Variants in TMEM132C observed in about 807,000 individuals in gnomAD.
The protein encoded by TMEM132C is transmembrane protein 132C, also known as protein phosphatase 1, regulatory subunit 152.
In TMEM132C, 29 loss-of-function variants were observed where a neutral mutation model predicts 61.4. The ratio of observed to expected loss-of-function variants is 0.47; its 90% CI spans 0.35 to 0.64. The LOEUF is 0.64. TMEM132C is among the 30% of genes least tolerant of loss of function. TMEM132C has a pLI of 0.00. For missense variants in TMEM132C, 1,408 were observed against 1,476.9 expected (o/e 0.95, Z 0.76); for synonymous variants, 656 against 633.1 (o/e 1.04, Z -0.54).
chr12:128,418,003 C>T (rs181946948), intron 2 of TMEM132C, among the ~76,000 whole-genome samples: 13 of 152,174 alleles, frequency 8.5e-5, no homozygotes, highest in East Asian at 3.9e-4. Flanking sequence ...TGCCGTGGAG[C>T]GCAGCAGCCG....
chr12:128,632,889 T>C (rs2135594919), intron 4 of TMEM132C, among the ~76,000 whole-genome samples: 1 of 152,374 alleles, frequency 6.6e-6, no homozygotes, highest in East Asian at 1.9e-4. Context: ...CCCAAGACCC[T>C]TTCAAGGAGT....
chr12:128,466,202 A>G (rs1870730450), intron 2 of TMEM132C, among the ~76,000 whole-genome samples: 1 of 152,100 alleles, frequency 6.6e-6, no homozygotes. Flanking sequence ...GAGCACAGGA[A>G]AGAAGGAGCC....
In TMEM132C at chr12:128,634,524, A is replaced by G. The variant is rs373670174; in HGVS notation, c.1305+18189A>G. 4.6e-5 allele frequency among the ~76,000 whole-genome samples: 7 copies of G among 152,244 alleles called. No homozygotes were observed. In the South Asian group the frequency reaches 1.4e-3, roughly 32 times the overall value. The stretch of plus-strand genomic sequence containing the variant: ...TATGTCTCAAGGGAATGGCCCCAAC[A>G]CTAACCCAAACAAATTAGAAAGTGC... On this transcript the variant is annotated intron_variant, in intron 4 of 8. Coordinates refer to ENST00000435159, the MANE Select transcript of TMEM132C (RefSeq NM_001136103.3).
At chr12:128,363,842 C>G (rs1444432846) in intron 1 of TMEM132C, among the ~76,000 whole-genome samples, 1 of 116,338 alleles carries the variant, frequency 8.6e-6, no homozygotes, top group Non-Finnish European at 1.8e-5. Context: ...GAGACTCTGT[C>G]TCGAAAAAAA....
chr12:128,391,048 T>C lies in TMEM132C; in HGVS notation c.86-23684T>C, dbSNP rs79097117. Among the ~76,000 whole-genome samples the C allele has an allele frequency of 6.1e-3, 924 of 152,218 alleles. 9 individuals carry two copies. Among genetic ancestry groups the C allele is most frequent in the African/African-American group, 0.021 (873 of 41,554 alleles). ...TAACGCTGCGGTTCTCAAAGTGGGG[T>C]TCCTGGGCCAGCAACATCAGAACTG... On this transcript the variant is annotated intron_variant, in intron 1 of 8. Transcript: ENST00000435159.
chr12:128,589,052 G>A (rs1426930478), intron 3 of TMEM132C, among the ~76,000 whole-genome samples: 3 of 152,134 alleles, frequency 2.0e-5, no homozygotes, highest in Non-Finnish European at 4.4e-5. Flanking sequence ...CCTGAAAGCA[G>A]TATGACCAAC....
intron 1 of TMEM132C, among the ~76,000 whole-genome samples, chr12:128,299,705 G>C (rs1193367): frequency 0.79 from 119,880 of 152,020 alleles, 48,199 homozygotes; most frequent in Non-Finnish European, 0.86. Context: ...TGTATAGCTT[G>C]GTCACCTTAA....
intron 4 of TMEM132C, among the ~76,000 whole-genome samples, chr12:128,628,121 T>C (rs2135592263): frequency 6.6e-6 from 1 of 152,230 alleles, no homozygotes; most frequent in South Asian, 2.1e-4. Context: ...ACTTCCAGTC[T>C]CAGCCTAGCC....
rs971380339 is a variant in TMEM132C at position 128,415,850 on chromosome 12, C to G, written c.974+230C>G. On this transcript the variant is annotated intron_variant, in intron 2 of 8. Transcript: ENST00000435159. This position sits in a 1 kb window ranked among gnomAD's most constrained non-coding sequence, Gnocchi z 5.8. ...GCAAAGGGCGGGCAGAAATTATTTC[C>G]AAAAGGAGCAAGATGAGAGTAATCC... 6.6e-6 allele frequency among the ~76,000 whole-genome samples: 1 copy of G among 152,088 alleles called. No homozygotes were observed. The highest frequency in any genetic ancestry group is 1.5e-5 in the Non-Finnish European group (1 of 68,026).
chr12:128,588,456 A>AG (rs749624052), intron 3 of TMEM132C, among the ~76,000 whole-genome samples: 4 of 152,138 alleles, frequency 2.6e-5, no homozygotes, highest in Non-Finnish European at 5.9e-5. Context: ...ATTAAAAAAA[A>AG]TCTGTTTCCA....
chr12:128,334,374 G>A (rs201089709), intron 1 of TMEM132C, among the ~76,000 whole-genome samples: 210 of 152,250 alleles, frequency 1.4e-3, no homozygotes, highest in African/African-American at 4.4e-3. Context: ...TCCGGGGCCC[G>A]TGTGCATTCT....
chr12:128,427,423 T>TGC (rs965356015), intron 2 of TMEM132C, among the ~76,000 whole-genome samples: 2 of 145,500 alleles, frequency 1.4e-5, no homozygotes, highest in Admixed American at 1.4e-4. Context: ...TGTGTGTGTG[T>TGC]GTGTGTATAT....
chr12:128,282,030 TG>T (rs1870915517), intron 1 of TMEM132C, among the ~76,000 whole-genome samples: 1 of 152,184 alleles, frequency 6.6e-6, no homozygotes. Flanking sequence ...TAGTGGAAAA[TG>T]GCTGGAGTTT....
chr12:128,645,329 G>A (rs572150259), intron 4 of TMEM132C, among the ~76,000 whole-genome samples: 4 of 152,132 alleles, frequency 2.6e-5, no homozygotes, highest in African/African-American at 9.6e-5. Context: ...CTTGACTGGC[G>A]ATGCAAGGAC....
chr12:128,284,459 G>T lies in TMEM132C; in HGVS notation c.85+16972G>T, dbSNP rs568371354. 2.6e-5 allele frequency among the ~76,000 whole-genome samples: 4 copies of T among 152,314 alleles called. No individual in the cohort carries two copies. The East Asian group carries it at 7.7e-4, about 29-fold the overall frequency. On this transcript the variant is annotated intron_variant, in intron 1 of 8. Transcript: ENST00000435159. ...CAGAGTCAGGGTTTGGACCTACTGG[G>T]TCTATCTCCATGGTCCTTGGCACAT... is the stretch of plus-strand genomic sequence containing the variant.
At chr12:128,390,166 C>T (rs138644001) in intron 1 of TMEM132C, among the ~76,000 whole-genome samples, 68 of 152,252 alleles carry the variant, frequency 4.5e-4, no homozygotes, top group East Asian at 4.3e-3. Context: ...CCACCACACC[C>T]GGCAGGTTAT....
Position 128,669,471 on chromosome 12 carries a change from A to G in TMEM132C, c.1360A>G (p.Ile454Val). 6.4e-7 allele frequency: 1 copy of G among 1,551,694 alleles called. No homozygotes were observed. Among genetic ancestry groups the G allele is most frequent in the South Asian group, 1.2e-5 (1 of 84,048 alleles). The part of the protein sequence containing the change: ...VLTGKTVAMP[I>V]KVVSVEENSA... Reference sequence around the variant, plus strand: ...CACAGGAAAGACAGTTGCCATGCCTATCAAGGTGGTCTCTGTGGAGGAGAA... The same window carrying G: ...CACAGGAAAGACAGTTGCCATGCCTGTCAAGGTGGTCTCTGTGGAGGAGAA... The change falls in exon 5 of 9, where the codon ATC becomes GTC. Residue 454 changes from isoleucine to valine, a missense_variant. Transcript: ENST00000435159.
chr12:128,399,719 G>GC (rs1006304596), intron 1 of TMEM132C, among the ~76,000 whole-genome samples: 9 of 152,044 alleles, frequency 5.9e-5, no homozygotes, highest in African/African-American at 2.2e-4. Context: ...GCACACTATG[G>GC]CCTGTGGGTC....
At chr12:128,449,029 C>T (rs937751848) in intron 2 of TMEM132C, among the ~76,000 whole-genome samples, 5 of 146,860 alleles carry the variant, frequency 3.4e-5, no homozygotes, top group African/African-American at 1.0e-4. Context: ...CCCAGCTACT[C>T]GGGAGGCTGA....
Sources: allele counts gnomAD v4.1 joint callset (sites outside exome capture counted in the v4.1 genomes callset), GRCh38; gene constraint gnomAD v4.1.1; non-coding constraint Gnocchi (gnomAD v3.1); transcripts MANE v1.5; gene names NCBI Gene and HGNC (gene_info 2026-07-23, HGNC 2026-07-21).